The following HSF5 variants were observed in gnomAD, a reference collection of about 807,000 sequenced individuals.
HSF5 encodes the protein heat shock factor protein 5.
In HSF5, 5 loss-of-function variants were observed where a neutral mutation model predicts 50.8. The observed-to-expected ratio is 0.10, with a 90% CI of 0.05 to 0.21. The LOEUF is 0.21. Among genes scored for constraint, HSF5 ranks in the 10% least tolerant of loss-of-function variants. HSF5 has a pLI of 1.00. For synonymous variants in HSF5, 307 were observed against 307.4 expected (o/e 1.00, Z 0.02); for missense variants, 564 against 762.6 (o/e 0.74, Z 3.07).
chr17:58,471,402 T>C (rs982891256), intron 2 of HSF5, among the ~76,000 whole-genome samples: 1 of 152,180 alleles, frequency 6.6e-6, no homozygotes, highest in African/African-American at 2.4e-5. Flanking sequence ...AAAAAGCTCT[T>C]ATAATTCTAT....
At chr17:58,451,207 C>G (rs535287466) in intron 5 of HSF5, among the ~76,000 whole-genome samples, 1 of 152,052 alleles carries the variant, frequency 6.6e-6, no homozygotes, top group African/African-American at 2.4e-5. Flanking sequence ...ATTAACAAAC[C>G]TAAAAGGAGA....
intron 1 of HSF5, among the ~76,000 whole-genome samples, chr17:58,480,777 A>ATCTATCTATCTC (rs1276795312): frequency 6.6e-6 from 1 of 151,630 alleles, no homozygotes; most frequent in African/African-American, 2.4e-5. Context: ...CTATCTATCT[A>ATCTATCTATCTC]TCTATCTATC....
In HSF5 at chr17:58,488,251, G is replaced by A; in HGVS notation, c.24C>T (p.Pro8=). The A allele has an allele frequency of 2.7e-6, 4 of 1,501,298 alleles. No individual in the cohort carries two copies. The highest frequency in any genetic ancestry group is 3.5e-6 in the Non-Finnish European group (4 of 1,138,522). 93.0% of individuals were successfully genotyped at this position (1,501,298 alleles called of 1,614,324 possible). Reference sequence around the variant, plus strand: ...TGGCGGGGAAGTTGTTGGGGTTGATGGGGGTGGAGAGCAGCGCCTCCATCG... The same window carrying A: ...TGGCGGGGAAGTTGTTGGGGTTGATAGGGGTGGAGAGCAGCGCCTCCATCG... The part of the protein sequence containing the change: MEALLST[P]INPNNFPAKL... The change falls in exon 1 of 6, where the codon CCC becomes CCT. Residue 8 remains proline (P), a synonymous_variant. Coordinates refer to ENST00000323777, the MANE Select transcript of HSF5 (RefSeq NM_001080439.3). The surrounding 1 kb of genome is among the most constrained non-coding windows in gnomAD (Gnocchi z 4.1).
chr17:58,455,389 G>A (rs1266486149), intron 5 of HSF5, among the ~76,000 whole-genome samples: 1 of 152,066 alleles, frequency 6.6e-6, no homozygotes, highest in African/African-American at 2.4e-5. Context: ...AGAAAACATA[G>A]GGAAAATGCT....
chr17:58,447,103 C>T (rs894934367), intron 5 of HSF5, among the ~76,000 whole-genome samples: 4 of 151,994 alleles, frequency 2.6e-5, no homozygotes, highest in Admixed American at 2.0e-4. Flanking sequence ...CTAGCCTGGG[C>T]GACAGAGCAA....
intron 5 of HSF5, among the ~76,000 whole-genome samples, chr17:58,456,367 T>G (rs1043802143): frequency 6.6e-6 from 1 of 152,032 alleles, no homozygotes; most frequent in Non-Finnish European, 1.5e-5. Flanking sequence ...AAAAAGTTAA[T>G]TTCATAGAAG....
chr17:58,479,682 A>G (rs1277737140), intron 2 of HSF5, among the ~76,000 whole-genome samples: 6 of 152,184 alleles, frequency 3.9e-5, no homozygotes, highest in Non-Finnish European at 5.9e-5. Flanking sequence ...ACCTTTATAC[A>G]TCAACAAAAT....
At chr17:58,426,283 A>G (rs1410936750) in intron 5 of HSF5, among the ~76,000 whole-genome samples, 1 of 152,246 alleles carries the variant, frequency 6.6e-6, no homozygotes, top group African/African-American at 2.4e-5. Context: ...GCATCTAAAC[A>G]TAATTTTATT....
chr17:58,440,604 G>A (rs1470495863), intron 5 of HSF5, among the ~76,000 whole-genome samples: 1 of 152,134 alleles, frequency 6.6e-6, no homozygotes, highest in Non-Finnish European at 1.5e-5. Flanking sequence ...AGCCACTGTG[G>A]TTGAGAACCA....
At chr17:58,441,656 A>T (rs1471893901) in intron 5 of HSF5, among the ~76,000 whole-genome samples, 2 of 152,258 alleles carry the variant, frequency 1.3e-5, no homozygotes, top group Non-Finnish European at 2.9e-5. Flanking sequence ...AGATGAGTCC[A>T]TGAAGGATAG....
At chr17:58,443,232 A>G (rs949114977) in intron 5 of HSF5, among the ~76,000 whole-genome samples, 1 of 151,846 alleles carries the variant, frequency 6.6e-6, no homozygotes, top group Admixed American at 6.6e-5. Flanking sequence ...CTGGTCTCGA[A>G]CTCCTGACCC....
intron 5 of HSF5, among the ~76,000 whole-genome samples, chr17:58,435,063 C>T (rs1223453849): frequency 6.6e-6 from 1 of 152,080 alleles, no homozygotes; most frequent in Non-Finnish European, 1.5e-5. Context: ...GATATGAAAG[C>T]TTCATTCTAG....
Position 58,487,966 on chromosome 17 carries a change from T to G in HSF5, c.309A>C (p.Ala103=), listed in dbSNP as rs746081240. The G allele has an allele frequency of 3.1e-6, 5 of 1,611,130 alleles. No homozygotes were observed. Among genetic ancestry groups the G allele is most frequent in the Non-Finnish European group, 4.2e-6 (5 of 1,179,342 alleles). The change falls in exon 1 of 6, where the codon GCA becomes GCC. Residue 103 remains alanine, a synonymous_variant. Transcript: ENST00000323777. ...GGAAGTGATGGAGCGGCCCATTGCCTGCCGGTTTGCCGCCCCCCGGCCCGC... is the reference window on the plus strand; with the variant it reads ...GGAAGTGATGGAGCGGCCCATTGCCGGCCGGTTTGCCGCCCCCCGGCCCGC... ...VLGGPGGGKP[A]GNGPLHHFHN... is the part of the protein sequence containing the mutation.
intron 5 of HSF5, among the ~76,000 whole-genome samples, chr17:58,446,219 C>G (rs1197605211): frequency 3.3e-5 from 5 of 151,774 alleles, no homozygotes; most frequent in Admixed American, 1.3e-4. Context: ...ATTCTCCCCC[C>G]ACAGGAACAT....
intron 1 of HSF5, among the ~76,000 whole-genome samples, chr17:58,485,589 A>G (rs1227058915): frequency 6.6e-6 from 1 of 151,730 alleles, no homozygotes; most frequent in Admixed American, 6.6e-5. Context: ...TCCACCAAAA[A>G]TACAAAAAAT....
At chr17:58,476,890 G>A (rs1488169587) in intron 2 of HSF5, 27 of 1,140,112 alleles carry the variant, frequency 2.4e-5, no homozygotes, top group East Asian at 1.2e-4. Context: ...CTGAGGTCTC[G>A]TCGGCCCTGT....
intron 5 of HSF5, among the ~76,000 whole-genome samples, chr17:58,455,186 C>T (rs953843200): frequency 1.3e-5 from 2 of 152,112 alleles, no homozygotes; most frequent in African/African-American, 2.4e-5. Context: ...ACATTTATAG[C>T]TAACTGATTT....
intron 2 of HSF5, among the ~76,000 whole-genome samples, chr17:58,470,945 T>G (rs550281127): frequency 7.9e-5 from 12 of 152,172 alleles, no homozygotes; most frequent in South Asian, 2.1e-4. Context: ...GATGGTAAAT[T>G]TATATATTAA....
At chr17:58,426,419 G>T (rs1218587654) in intron 5 of HSF5, among the ~76,000 whole-genome samples, 1 of 152,180 alleles carries the variant, frequency 6.6e-6, no homozygotes, top group Non-Finnish European at 1.5e-5. Flanking sequence ...TCACTCAAAA[G>T]ATAAACTTGC....
Sources: allele counts gnomAD v4.1 joint callset (sites outside exome capture counted in the v4.1 genomes callset), GRCh38; gene constraint gnomAD v4.1.1; non-coding constraint Gnocchi (gnomAD v3.1); transcripts MANE v1.5; gene names NCBI Gene and HGNC (gene_info 2026-07-23, HGNC 2026-07-21).